Variants in TMEM143 observed in about 807,000 individuals in gnomAD.
TMEM143 encodes transmembrane protein 143.
TMEM143 carries 45 observed loss-of-function variants against 40.3 expected under a neutral mutation model. The ratio of observed to expected loss-of-function variants is 1.12; its 90% CI spans 0.88 to 1.43. TMEM143 has a LOEUF of 1.43. TMEM143 is among the 40% of genes most tolerant of loss of function. The pLI is 0.00. For synonymous variants in TMEM143, 299 were observed against 282.7 expected, an observed-to-expected ratio of 1.06 and a Z score of -0.58; for missense variants, 620 against 613.4, an observed-to-expected ratio of 1.01 and a Z score of -0.11.
intron 3 of TMEM143, among the ~76,000 whole-genome samples, chr19:48,348,409 T>C (rs1466142256): frequency 6.6e-6 from 1 of 152,128 alleles, no homozygotes; most frequent in African/African-American, 2.4e-5. Context: ...TCCCAGTCCA[T>C]GCCAGCCACC....
At chr19:48,334,458 CTT>C (rs778513734) in intron 6 of TMEM143, among the ~76,000 whole-genome samples, 6,262 of 50,510 alleles carry the variant, frequency 0.12, 251 homozygotes, top group African/African-American at 0.18. Flanking sequence ...TTCTTTCTTT[CTT>C]TCTTTCTTTC....
At chr19:48,340,989 C>T (rs1001217817) in intron 6 of TMEM143, among the ~76,000 whole-genome samples, 1 of 152,206 alleles carries the variant, frequency 6.6e-6, no homozygotes, top group African/African-American at 2.4e-5. Flanking sequence ...TCCCCAGCCC[C>T]TCTGTTGGCC....
intron 3 of TMEM143, among the ~76,000 whole-genome samples, chr19:48,357,393 C>T (rs1384045323): frequency 1.1e-4 from 5 of 45,080 alleles, no homozygotes; most frequent in Non-Finnish European, 2.2e-4. Context: ...CTCACTCTAT[C>T]GCCCAGCTGG....
chr19:48,352,502 C>T (rs758327054), intron 3 of TMEM143, among the ~76,000 whole-genome samples: 61 of 151,056 alleles, frequency 4.0e-4, no homozygotes, highest in Admixed American at 3.3e-4. Context: ...AGGCCGGGCA[C>T]GGTGGCTCAC....
intron 6 of TMEM143, among the ~76,000 whole-genome samples, chr19:48,338,844 G>C (rs1969428073): frequency 6.6e-6 from 1 of 152,080 alleles, no homozygotes; most frequent in Non-Finnish European, 1.5e-5. Flanking sequence ...CCCAGCCTGG[G>C]ACATCCGGGA....
chr19:48,332,998 ATCGCTTTGATTGGCTGT>A lies in TMEM143; in HGVS notation c.*204_*220del. The A allele has an allele frequency of 2.5e-6, 1 of 392,388 alleles. No homozygotes were observed. Among genetic ancestry groups the A allele is most frequent in the Non-Finnish European group, 4.5e-6 (1 of 220,046 alleles). The allele number at this position is 392,388 out of a possible 1,614,324, so 24.3% of individuals were successfully genotyped here. A position where few individuals can be genotyped will look rare whatever the true frequency, so the allele number is the denominator to read the frequency against. ...AGAAATGGAACAGAAGCAGAGCTAA[ATCGCTTTGATTGGCTGT>A]TCATCGAAGGGGCGGGGAAGACTTA... On this transcript the variant is annotated 3_prime_UTR_variant, in exon 8 of 8. Transcript: ENST00000293261.
At chr19:48,343,234 A>C in intron 5 of TMEM143, 87 bp downstream of exon 5, 2 of 1,485,132 alleles carry the variant, frequency 1.3e-6, no homozygotes, top group Non-Finnish European at 1.8e-6. Context: ...GGGCCCAGAC[A>C]CCCAAACCAG....
intron 6 of TMEM143, among the ~76,000 whole-genome samples, chr19:48,339,204 G>T (rs1600898465): frequency 1.3e-5 from 2 of 152,246 alleles, no homozygotes; most frequent in South Asian, 2.1e-4. Context: ...GGAAGGGTGG[G>T]CTGGGGGTCT....
intron 3 of TMEM143, among the ~76,000 whole-genome samples, chr19:48,347,558 T>A (rs1466255508): frequency 6.7e-6 from 1 of 149,916 alleles, no homozygotes; most frequent in Non-Finnish European, 1.5e-5. Flanking sequence ...ACAAAACTTT[T>A]TTTTTTTTTT....
At position 48,347,093 on chromosome 19, in the gene TMEM143, G is replaced by A. The variant is rs554748975; in HGVS notation, c.370-1739C>T. 5.9e-5 allele frequency among the ~76,000 whole-genome samples: 9 copies of A among 152,268 alleles called. No homozygotes were observed. In the South Asian group the frequency reaches 1.9e-3, roughly 32 times the overall value. On this transcript the variant is annotated intron_variant, in intron 3 of 7. Coordinates refer to ENST00000293261, the MANE Select transcript of TMEM143 (RefSeq NM_018273.4). ...AAACGTCCCCCCTAAAAAACTCTTGGAATGAATGTCGCGTGAGTTTCCAGT... is the reference window on the plus strand; with the variant it reads ...AAACGTCCCCCCTAAAAAACTCTTGAAATGAATGTCGCGTGAGTTTCCAGT...
At position 48,333,078 on chromosome 19, in the gene TMEM143, G is replaced by T; in HGVS notation, c.*141C>A. The stretch of plus-strand genomic sequence containing the variant: ...TGCTTTGATTGGCTGCTTTGCTTAA[G>T]CACACAGTGCAGCAAAAATAATCAC... On this transcript the variant is annotated 3_prime_UTR_variant, in exon 8 of 8. Coordinates refer to ENST00000293261, the MANE Select transcript of TMEM143 (RefSeq NM_018273.4). This position sits in a 1 kb window ranked among gnomAD's most constrained non-coding sequence, Gnocchi z 4.1. 1 of 625,506 alleles carries T rather than the reference G, an allele frequency of 1.6e-6. No individual in the cohort carries two copies. Among genetic ancestry groups the T allele is most frequent in the Non-Finnish European group, 2.4e-6 (1 of 411,120 alleles). 38.7% of individuals were successfully genotyped at this position (625,506 alleles called of 1,614,324 possible).
chr19:48,334,581 T>C (rs1406843808), intron 6 of TMEM143, among the ~76,000 whole-genome samples: 2 of 142,064 alleles, frequency 1.4e-5, no homozygotes, highest in Non-Finnish European at 3.1e-5. Flanking sequence ...CTTTCTTTTC[T>C]TTCCTTTTTT....
intron 3 of TMEM143, among the ~76,000 whole-genome samples, chr19:48,346,576 TTTTA>T (rs1435658794): frequency 2.0e-5 from 3 of 151,990 alleles, no homozygotes; most frequent in Non-Finnish European, 4.4e-5. Context: ...ACTACTTTCT[TTTTA>T]TTTATTTATT....
In TMEM143 at chr19:48,356,785, C is replaced by T. The variant is rs1569036490; in HGVS notation, c.369+3287G>A. Reference sequence around the variant, plus strand: ...GCTAATTTTGTATTTTTAGTAGAGACGGGGTTTCTCCATGTTGAGGCTGGT... The same window carrying T: ...GCTAATTTTGTATTTTTAGTAGAGATGGGGTTTCTCCATGTTGAGGCTGGT... On this transcript the variant is annotated intron_variant, in intron 3 of 7. Transcript: ENST00000293261. Among the ~76,000 whole-genome samples the T allele has an allele frequency of 6.7e-5, 10 of 149,930 alleles. No homozygotes were observed. In the South Asian group the frequency reaches 1.9e-3, roughly 29 times the overall value.
chr19:48,359,880 A>C, intron 3 of TMEM143, 192 bp downstream of exon 3: 1 of 576,148 alleles, frequency 1.7e-6, no homozygotes, highest in Non-Finnish European at 3.0e-6. Flanking sequence ...ATCATATTTT[A>C]TATTTATTTG....
intron 5 of TMEM143, 188 bp from the exon 6 acceptor site, chr19:48,342,997 G>A (rs1191040705): frequency 1.3e-5 from 10 of 744,898 alleles, no homozygotes; most frequent in South Asian, 1.2e-4. Flanking sequence ...TCGCGCCATC[G>A]ATCCCTGGTA....
At chr19:48,340,503 G>A (rs1969465118) in intron 6 of TMEM143, among the ~76,000 whole-genome samples, 3 of 151,832 alleles carry the variant, frequency 2.0e-5, no homozygotes, top group Non-Finnish European at 4.4e-5. Context: ...GGGCTCAAGC[G>A]ATCCTCCCAC....
Position 48,352,503 on chromosome 19 carries a change from G to A in TMEM143, c.370-7149C>T, listed in dbSNP as rs1313134453. On this transcript the variant is annotated intron_variant, in intron 3 of 7. Coordinates refer to ENST00000293261, the MANE Select transcript of TMEM143 (RefSeq NM_018273.4). ...AAAAAAAATTATGGAGGCCGGGCACGGTGGCTCACACCTGTAATCCCAGCA... is the reference window on the plus strand; with the variant it reads ...AAAAAAAATTATGGAGGCCGGGCACAGTGGCTCACACCTGTAATCCCAGCA... 3.3e-5 allele frequency among the ~76,000 whole-genome samples: 5 copies of A among 151,400 alleles called. No homozygotes were observed. In the East Asian group the frequency reaches 6.0e-4, roughly 18 times the overall value.
At position 48,334,197 on chromosome 19, in the gene TMEM143, T is replaced by C; in HGVS notation, c.976A>G (p.Met326Val). Residue 326 changes from methionine (M) to valine (V), a missense_variant and splice_region_variant, in exon 7 of 8, where the codon ATG becomes GTG. Met to Val is a conservative substitution (Grantham distance 21, BLOSUM62 1). Coordinates refer to ENST00000293261, the MANE Select transcript of TMEM143 (RefSeq NM_018273.4). ...TGCGCGCTGCGCCGCTGCCCGAACA[T>C]CTGCAGGCGGGACAGCGCCCCGTGG... ...AIFMGLRASK[M>V]FGQRRSAQAL... 1.3e-6 allele frequency: 2 copies of C among 1,597,300 alleles called. No homozygotes were observed. The highest frequency in any genetic ancestry group is 1.7e-6 in the Non-Finnish European group (2 of 1,172,612).
Sources: gnomAD v4.1 joint callset for allele counts (sites outside exome capture counted in the v4.1 genomes callset) on GRCh38, gnomAD v4.1.1 for gene constraint, Gnocchi (gnomAD v3.1) non-coding constraint, MANE v1.5 for transcripts, NCBI Gene and HGNC (gene_info 2026-07-23, HGNC 2026-07-21) for gene names.